Variants in MYO1A observed in about 807,000 individuals in gnomAD.
The protein encoded by MYO1A is myosin IA, also known as unconventional myosin-Ia.
MYO1A carries 127 observed loss-of-function variants against 138.5 expected under a neutral mutation model. The ratio of observed to expected loss-of-function variants is 0.92; its 90% CI spans 0.79 to 1.06. The LOEUF (loss-of-function observed/expected upper bound fraction) is 1.06, where lower values mean the gene tolerates loss of function less well. Ranked by LOEUF, MYO1A falls within the 50% of genes least tolerant of loss-of-function variation. MYO1A has a pLI of 0.00. For synonymous variants in MYO1A, 477 were observed against 497.5 expected, an observed-to-expected ratio of 0.96 and a Z score of 0.55; for missense variants, 1,211 against 1,288.8, an observed-to-expected ratio of 0.94 and a Z score of 0.92.
In MYO1A at chr12:57,038,899, G is replaced by T. The variant is rs1403694690; in HGVS notation, c.1443C>A (p.His481Gln). Residue 481 changes from histidine to glutamine, a missense_variant, in exon 16 of 28, where the codon CAC (histidine) becomes CAA (glutamine). Coordinates refer to ENST00000300119, the MANE Select transcript of MYO1A (RefSeq NM_005379.4). Reference protein sequence around the residue: ...KLNQLFSKHGHYESKVTQNAQ... With the variant: ...KLNQLFSKHGQYESKVTQNAQ... ...CATTCTGGGTGACTTTGCTCTCGTA[G>T]TGGCCATGCTTGGAGAAGAGCTGGT... 4 of 1,614,084 alleles carry T rather than the reference G, an allele frequency of 2.5e-6. No homozygotes were observed. The highest frequency in any genetic ancestry group is 1.7e-5 in the Admixed American group (1 of 59,994).
chr12:57,047,663 T>TAC lies in MYO1A; in HGVS notation c.287_288dup (p.Ile97ValfsTer19). ...GATCCACTCTCGCCTGTGATGAGGA[T>TAC]ACACTGGTCTCGGTCCCTGTCCCTC... On this transcript the variant is annotated frameshift_variant, in exon 4 of 28. Coordinates refer to ENST00000300119, the MANE Select transcript of MYO1A (RefSeq NM_005379.4). LOFTEE classifies it high-confidence loss of function. 6.2e-7 allele frequency: 1 copy of TAC among 1,614,222 alleles called. No homozygotes were observed. The highest frequency in any genetic ancestry group is 8.5e-7 in the Non-Finnish European group (1 of 1,180,042).
rs752429703 is a variant in MYO1A, at chr12:57,038,072, G to A, written c.1761-3C>T. On this transcript the variant is annotated splice_polypyrimidine_tract_variant and splice_region_variant and intron_variant, in intron 17 of 27. Coordinates refer to ENST00000300119, the MANE Select transcript of MYO1A (RefSeq NM_005379.4). ...GATGCTCATTGGGCTTTATGCACCT[G>A]GTGGGAGGTGGGGTAAGGCACAGCC... The A allele has an allele frequency of 3.1e-6, 5 of 1,613,810 alleles. No individual in the cohort carries two copies. The highest frequency in any genetic ancestry group is 4.2e-6 in the Non-Finnish European group (5 of 1,180,020).
At chr12:57,034,516 T>C (rs1218309698) in intron 22 of MYO1A, among the ~76,000 whole-genome samples, 1 of 150,886 alleles carries the variant, frequency 6.6e-6, no homozygotes, top group Non-Finnish European at 1.5e-5. Flanking sequence ...TTACCAAAAA[T>C]ATAAAAAATT....
In MYO1A at chr12:57,029,443, G is replaced by C. The variant is rs775417473; in HGVS notation, c.2869C>G (p.Leu957Val). 1 of 1,614,134 alleles carries C rather than the reference G, an allele frequency of 6.2e-7. No individual in the cohort carries two copies. Among genetic ancestry groups the C allele is most frequent in the Non-Finnish European group, 8.5e-7 (1 of 1,180,030 alleles). ...CCACCCAGCTCTGATACCTCACTCA[G>C]ATGCAAGCTAAAGAGCCCATCCTTG... ...SLKDGLFSLHLSEMSSVGSKG... is the reference protein window; with the variant it reads ...SLKDGLFSLHVSEMSSVGSKG... The change falls in exon 26 of 28, where the codon CTG becomes GTG. Residue 957 changes from leucine to valine, a missense_variant. By Grantham distance (32) the Leu-to-Val change is conservative (BLOSUM62 1). Coordinates refer to ENST00000300119, the MANE Select transcript of MYO1A (RefSeq NM_005379.4).
intron 22 of MYO1A, among the ~76,000 whole-genome samples, chr12:57,033,018 A>C (rs2030361977): frequency 6.6e-6 from 1 of 152,150 alleles, no homozygotes; most frequent in Admixed American, 6.5e-5. Flanking sequence ...TGTGCATATA[A>C]ATACATGCAT....
rs2030182003 is a variant in MYO1A at position 57,029,793 on chromosome 12, C to T, written c.2671G>A (p.Gly891Arg). 1 of 1,614,094 alleles carries T rather than the reference C, an allele frequency of 6.2e-7. No individual in the cohort carries two copies. Among genetic ancestry groups the T allele is most frequent in the South Asian group, 1.1e-5 (1 of 91,088 alleles). The stretch of plus-strand genomic sequence containing the variant: ...ACGGCCTCTGCCATCAGAACAGGCC[C>T]CTCCTCCCCGCCTTTCAGCTTCTGC... ...KLQKLKGGEE[G>R]PVLMAEAVKK... is the part of the protein sequence containing the mutation. Residue 891 changes from glycine to arginine, a missense_variant, in exon 25 of 28, where the codon GGG becomes AGG. Physicochemically the swap from Gly to Arg is moderately radical, Grantham distance 125 (BLOSUM62 -2). Transcript: ENST00000300119.
At position 57,038,628 on chromosome 12, in the gene MYO1A, T is replaced by C; in HGVS notation, c.1544A>G (p.Asn515Ser). 6.2e-7 allele frequency: 1 copy of C among 1,614,168 alleles called. No homozygotes were observed. Among genetic ancestry groups the C allele is most frequent in the Non-Finnish European group, 8.5e-7 (1 of 1,180,002 alleles). ...ATTCTTGTCAATAAAGCTGGTCACG[T>C]TGTATGTCACCTGTAAAGGAGCAGC... is the stretch of plus-strand genomic sequence containing the variant. The part of the protein sequence containing the change: ...ICHYAGKVTY[N>S]VTSFIDKNND... Residue 515 changes from asparagine to serine, a missense_variant, in exon 17 of 28, where the codon AAC (asparagine) becomes AGC (serine). Physicochemically the swap from Asn to Ser is conservative, Grantham distance 46 (BLOSUM62 1). Transcript: ENST00000300119.
rs2030833751 is a variant in MYO1A, at chr12:57,041,047, C to A, written c.1269+137G>T. 3 of 705,902 alleles carry A rather than the reference C, an allele frequency of 4.2e-6. No homozygotes were observed. The South Asian group carries it at 4.5e-5, about 11-fold the overall frequency. 43.7% of individuals were successfully genotyped at this position (705,902 alleles called of 1,614,324 possible). A position where few individuals can be genotyped will look rare whatever the true frequency, so the allele number is the denominator to read the frequency against. On this transcript the variant is annotated intron_variant, in intron 14 of 27. Coordinates refer to ENST00000300119, the MANE Select transcript of MYO1A (RefSeq NM_005379.4). ...TACTTGGTAATGCTGGAATGATCTA[C>A]TATGCAAGGGAAACATTTTGTCCTC...
chr12:57,049,254 G>A (rs2031250700), intron 1 of MYO1A, among the ~76,000 whole-genome samples: 1 of 152,192 alleles, frequency 6.6e-6, no homozygotes, highest in Non-Finnish European at 1.5e-5. Context: ...GAGGAAACCT[G>A]GCCCTCCTCA....
At chr12:57,033,218 T>G (rs2030369367) in intron 22 of MYO1A, among the ~76,000 whole-genome samples, 1 of 152,224 alleles carries the variant, frequency 6.6e-6, no homozygotes, top group South Asian at 2.1e-4. Flanking sequence ...CTCAGATTTC[T>G]CTACATGTCC....
chr12:57,040,833 T>C (rs1177125143), intron 14 of MYO1A, among the ~76,000 whole-genome samples: 1 of 152,166 alleles, frequency 6.6e-6, no homozygotes, highest in Non-Finnish European at 1.5e-5. Flanking sequence ...GACCAAGGAC[T>C]CTGAGATGTT....
At position 57,036,719 on chromosome 12, in the gene MYO1A, G is replaced by C. The variant is rs925296612; in HGVS notation, c.2274+53C>G. 12 of 1,601,128 alleles carry C rather than the reference G, an allele frequency of 7.5e-6. 1 individual carries two copies. In the Admixed American group the frequency reaches 1.3e-4, roughly 18 times the overall value. ...CTCTCTGCTGCTCTAGCCAGCAGGT[G>C]ACACAATCCAGGAGAAACAATGTGA... On this transcript the variant is annotated intron_variant, in intron 21 of 27. Transcript: ENST00000300119.
intron 14 of MYO1A, chr12:57,039,535 G>A: frequency 8.1e-6 from 4 of 495,874 alleles, no homozygotes; most frequent in East Asian, 3.9e-5. Flanking sequence ...TGTAGGTGGT[G>A]TAGGGTGGAG....
intron 22 of MYO1A, among the ~76,000 whole-genome samples, chr12:57,032,565 C>G (rs934755286): frequency 6.6e-6 from 1 of 152,160 alleles, no homozygotes; most frequent in Non-Finnish European, 1.5e-5. Flanking sequence ...TGCCTGTAAT[C>G]CCAGCTACTC....
At position 57,029,468 on chromosome 12, in the gene MYO1A, G is replaced by C; in HGVS notation, c.2844C>G (p.Leu948=). The part of the protein sequence containing the change: ...DNVAGVSVTS[L]KDGLFSLHLS... The stretch of plus-strand genomic sequence containing the variant: ...GATGCAAGCTAAAGAGCCCATCCTT[G>C]AGGCTGGTGACTGACACCCCAGCCA... The change falls in exon 26 of 28, where the codon CTC becomes CTG. Residue 948 remains leucine, a synonymous_variant. Coordinates refer to ENST00000300119, the MANE Select transcript of MYO1A (RefSeq NM_005379.4). 1 of 1,614,170 alleles carries C rather than the reference G, an allele frequency of 6.2e-7. No individual in the cohort carries two copies. Among genetic ancestry groups the C allele is most frequent in the Non-Finnish European group, 8.5e-7 (1 of 1,180,040 alleles).
chr12:57,029,395 C>A (rs746392364), intron 26 of MYO1A, 40 bp downstream of exon 26: 1 of 1,614,018 alleles, frequency 6.2e-7, no homozygotes, highest in South Asian at 1.1e-5. Flanking sequence ...ATGCATACCA[C>A]CTTCTCCAGT....
rs550436323 is a variant in MYO1A, at chr12:57,045,651, T to A, written c.640+901A>T. ...GAGATAGCACAGGTCTATCATAGAA[T>A]CACCAGAAACCAAAGAGACATTCTT... On this transcript the variant is annotated intron_variant, in intron 8 of 27. Coordinates refer to ENST00000300119, the MANE Select transcript of MYO1A (RefSeq NM_005379.4). Among the ~76,000 whole-genome samples the A allele has an allele frequency of 6.6e-5, 10 of 152,260 alleles. No individual in the cohort carries two copies. In the East Asian group the frequency reaches 1.5e-3, roughly 23 times the overall value.
Position 57,047,705 on chromosome 12 carries a change from C to T in MYO1A, c.247G>A (p.Val83Met), listed in dbSNP as rs141758131. ...LKPHIYALAN[V>M]AYQSLRDRDR... ...CTGTCCCTCAGTGACTGGTACGCCACATTTGCCAATGCGTAGCTTGTGGGG... is the reference window on the plus strand; with the variant it reads ...CTGTCCCTCAGTGACTGGTACGCCATATTTGCCAATGCGTAGCTTGTGGGG... Residue 83 changes from valine to methionine, a missense_variant, in exon 4 of 28, where the codon GTG (valine) becomes ATG (methionine). By Grantham distance (21) the Val-to-Met change is conservative (BLOSUM62 1). Transcript: ENST00000300119. 74 of 1,614,226 alleles carry T rather than the reference C, an allele frequency of 4.6e-5. No individual in the cohort carries two copies. The African/African-American group carries it at 7.9e-4, about 17-fold the overall frequency.
Position 57,038,572 on chromosome 12 carries a change from C to A in MYO1A, c.1600G>T (p.Ala534Ser). The part of the protein sequence containing the change: ...NDLLFRDLLQ[A>S]MWKAQHPLLR... ...AGGGGGTGCTGGGCCTTCCACATGG[C>A]CTGCAACAGGTCTCGGAAGAGTAGG... Residue 534 changes from alanine to serine, a missense_variant, in exon 17 of 28, where the codon GCC becomes TCC. Coordinates refer to ENST00000300119, the MANE Select transcript of MYO1A (RefSeq NM_005379.4). 2 of 1,614,176 alleles carry A rather than the reference C, an allele frequency of 1.2e-6. No individual in the cohort carries two copies. The highest frequency in any genetic ancestry group is 1.7e-6 in the Non-Finnish European group (2 of 1,180,032).
Sources: allele counts gnomAD v4.1 joint callset (sites outside exome capture counted in the v4.1 genomes callset), GRCh38; gene constraint gnomAD v4.1.1; transcripts MANE v1.5; gene names NCBI Gene and HGNC (gene_info 2026-07-23, HGNC 2026-07-21).